CBFA2T3: variants seen among roughly 807,000 people sequenced by gnomAD.
CBFA2T3 encodes the protein transcriptional corepressor CBFA2T3.
A neutral mutation model predicts 58.6 loss-of-function variants in CBFA2T3; 31 were observed. The observed-to-expected ratio is 0.53, with a 90% CI of 0.40 to 0.71. The LOEUF (loss-of-function observed/expected upper bound fraction) is 0.71. CBFA2T3 is among the 30% of genes least tolerant of loss of function. CBFA2T3 has a pLI of 0.00. For synonymous variants in CBFA2T3, 531 were observed against 421.9 expected (o/e 1.26, Z -3.17); for missense variants, 1,076 against 963.1 (o/e 1.12, Z -1.55).
At position 88,885,885 on chromosome 16, in the gene CBFA2T3, C is replaced by G; in HGVS notation, c.893+76G>C. 7.4e-7 allele frequency: 1 copy of G among 1,354,782 alleles called. No homozygotes were observed. The highest frequency in any genetic ancestry group is 1.0e-6 in the Non-Finnish European group (1 of 987,538). The allele number at this position is 1,354,782 out of a possible 1,614,324, so 83.9% of individuals were successfully genotyped here. On this transcript the variant is annotated intron_variant, in intron 6 of 11. Transcript: ENST00000268679. This position sits in a 1 kb window ranked among gnomAD's most constrained non-coding sequence, Gnocchi z 5.3. The stretch of plus-strand genomic sequence containing the variant: ...GCTGCAGCCCCAGAGGAGGTTCCCT[C>G]TCTTACCCAGAGGGGAGCAGGGTGA...
rs551508173 is a variant in CBFA2T3 at position 88,938,676 on chromosome 16, C to T, written c.152-37020G>A. The T allele has an allele frequency of 4.6e-5, 7 of 152,322 alleles. No homozygotes were observed. The South Asian group carries it at 1.2e-3, about 27-fold the overall frequency. 9.4% of individuals were successfully genotyped at this position (152,322 alleles called of 1,614,324 possible). A position where few individuals can be genotyped will look rare whatever the true frequency, so the allele number is the denominator to read the frequency against. Reference sequence around the variant, plus strand: ...TCACCTGTGGCACCAATAACAAGGCCCTGCTAGTCCCTCCATGCTGGGTCT... The same window carrying T: ...TCACCTGTGGCACCAATAACAAGGCTCTGCTAGTCCCTCCATGCTGGGTCT... On this transcript the variant is annotated intron_variant, in intron 1 of 11. Coordinates refer to ENST00000268679, the MANE Select transcript of CBFA2T3 (RefSeq NM_005187.6).
chr16:88,894,413 A>G (rs1289467078), intron 3 of CBFA2T3, among the ~76,000 whole-genome samples: 36 of 113,092 alleles, frequency 3.2e-4, no homozygotes, highest in Middle Eastern at 4.5e-3. Flanking sequence ...GCACACACAC[A>G]TGCATACATA....
rs1022958563 is a variant in CBFA2T3, at chr16:88,876,591, G to A, written c.*385C>T. 1 of 272,426 alleles carries A rather than the reference G, an allele frequency of 3.7e-6. No homozygotes were observed. Among genetic ancestry groups the A allele is most frequent in the African/African-American group, 2.1e-5 (1 of 46,610 alleles). 16.9% of individuals were successfully genotyped at this position (272,426 alleles called of 1,614,324 possible). The stretch of plus-strand genomic sequence containing the variant: ...AGAGAAAGTGTGTGATAGTCATAGA[G>A]AGAGAGAGGATAGAGAAGACAGAGG... On this transcript the variant is annotated 3_prime_UTR_variant, in exon 12 of 12. Coordinates refer to ENST00000268679, the MANE Select transcript of CBFA2T3 (RefSeq NM_005187.6).
At chr16:88,954,721 T>C (rs376248498) in intron 1 of CBFA2T3, among the ~76,000 whole-genome samples, 201 of 7,262 alleles carry the variant, frequency 0.028, no homozygotes, top group Admixed American at 0.036. Context: ...CTCCTGACCC[T>C]ACCCAAGGCT....
chr16:88,918,837 G>A (rs1970822203), intron 1 of CBFA2T3, among the ~76,000 whole-genome samples: 1 of 152,198 alleles, frequency 6.6e-6, no homozygotes. Context: ...GCTGAGAGAG[G>A]TCGGAGCTGC....
At chr16:88,906,154 CTG>C (rs1454475505) in intron 1 of CBFA2T3, among the ~76,000 whole-genome samples, 1 of 152,054 alleles carries the variant, frequency 6.6e-6, no homozygotes, top group Non-Finnish European at 1.5e-5. Flanking sequence ...TGGGGAGTCT[CTG>C]GAGCTCCCAC....
intron 3 of CBFA2T3, among the ~76,000 whole-genome samples, chr16:88,896,065 C>T (rs561859223): frequency 6.6e-6 from 1 of 152,214 alleles, no homozygotes. Flanking sequence ...GTCAGCCCCC[C>T]AGGGTTGCTC....
At chr16:88,966,706 G>A (rs903990343) in intron 1 of CBFA2T3, among the ~76,000 whole-genome samples, 11 of 152,058 alleles carry the variant, frequency 7.2e-5, no homozygotes, top group Admixed American at 5.2e-4. Context: ...CAACACCTGC[G>A]CTGGACAGAG....
At chr16:88,918,389 G>A (rs916143101) in intron 1 of CBFA2T3, among the ~76,000 whole-genome samples, 4 of 152,258 alleles carry the variant, frequency 2.6e-5, no homozygotes, top group Non-Finnish European at 5.9e-5. Context: ...CCCTGCCTTC[G>A]CAGTGTGGGC....
intron 1 of CBFA2T3, among the ~76,000 whole-genome samples, chr16:88,925,692 G>T (rs1249402213): frequency 6.6e-6 from 1 of 152,162 alleles, no homozygotes; most frequent in African/African-American, 2.4e-5. Context: ...TTCTTCAGGG[G>T]CCGTCCCTCA....
intron 2 of CBFA2T3, among the ~76,000 whole-genome samples, chr16:88,900,714 G>A (rs1291980794): frequency 6.6e-6 from 1 of 152,186 alleles, no homozygotes; most frequent in African/African-American, 2.4e-5. Flanking sequence ...CCCCAGCCTT[G>A]AGGGACAGGG....
chr16:88,886,196 T>A, intron 5 of CBFA2T3, 54 bp from the exon 6 acceptor site: 2 of 1,347,094 alleles, frequency 1.5e-6, no homozygotes, highest in Non-Finnish European at 2.0e-6. Context: ...ACAGCCCTGC[T>A]CAGGTCCGAG....
intron 1 of CBFA2T3, among the ~76,000 whole-genome samples, chr16:88,968,277 G>A (rs1374825285): frequency 6.6e-6 from 1 of 152,208 alleles, no homozygotes; most frequent in Admixed American, 6.5e-5. Context: ...GTAGGGAGGG[G>A]CGGGAAGCAC....
intron 2 of CBFA2T3, among the ~76,000 whole-genome samples, chr16:88,899,223 C>A (rs115718675): frequency 0.011 from 1,652 of 152,264 alleles, 24 homozygotes; most frequent in African/African-American, 0.038. Flanking sequence ...GGAGGAGCCT[C>A]CCGGCAGGGC....
At chr16:88,910,511 C>T (rs1238588937) in intron 1 of CBFA2T3, among the ~76,000 whole-genome samples, 6 of 152,252 alleles carry the variant, frequency 3.9e-5, no homozygotes, top group East Asian at 1.9e-4. Context: ...CACTGAGGAC[C>T]GGACACTCCC....
At chr16:88,959,498 G>A (rs1041861761) in intron 1 of CBFA2T3, among the ~76,000 whole-genome samples, 1 of 152,216 alleles carries the variant, frequency 6.6e-6, no homozygotes, top group African/African-American at 2.4e-5. Flanking sequence ...TTGGACAGAG[G>A]TGCAGGCAGA....
At chr16:88,905,811 G>A (rs1970305162) in intron 1 of CBFA2T3, among the ~76,000 whole-genome samples, 1 of 151,320 alleles carries the variant, frequency 6.6e-6, no homozygotes, top group Admixed American at 6.6e-5. Context: ...GCAGGTGGGA[G>A]GGGCTGGGCT....
At chr16:88,902,820 C>G (rs997918782) in intron 1 of CBFA2T3, among the ~76,000 whole-genome samples, 2 of 152,158 alleles carry the variant, frequency 1.3e-5, no homozygotes, top group African/African-American at 4.8e-5. Flanking sequence ...GAATACCGGA[C>G]TGCCCCGCAC....
intron 1 of CBFA2T3, among the ~76,000 whole-genome samples, chr16:88,944,823 C>G (rs1971862398): frequency 6.6e-6 from 1 of 152,276 alleles, no homozygotes; most frequent in Admixed American, 6.5e-5. Flanking sequence ...GCGCTAGGCC[C>G]TCTCATGTGC....
Sources: allele counts gnomAD v4.1 joint callset (sites outside exome capture counted in the v4.1 genomes callset), GRCh38; gene constraint gnomAD v4.1.1; non-coding constraint Gnocchi (gnomAD v3.1); transcripts MANE v1.5; gene names NCBI Gene and HGNC (gene_info 2026-07-23, HGNC 2026-07-21).